Variants in ZMYM2 observed in about 807,000 individuals in gnomAD.
The protein encoded by ZMYM2 is zinc finger MYM-type containing 2.
In ZMYM2, 56 loss-of-function variants were observed where a neutral mutation model predicts 162.8. The observed-to-expected ratio is 0.34, with a 90% CI of 0.28 to 0.43. The LOEUF is 0.43. Ranked by LOEUF, ZMYM2 falls within the 20% of genes least tolerant of loss-of-function variation. The pLI is 1.00. For synonymous variants in ZMYM2, 510 were observed against 541.6 expected, an observed-to-expected ratio of 0.94 and a Z score of 0.81; for missense variants, 1,275 against 1,621.8, an observed-to-expected ratio of 0.79 and a Z score of 3.67.
the ZMYM2 span, among the ~76,000 whole-genome samples, chr13:19,865,569 G>A: frequency 0.01 from 1,543 of 152,288 alleles, 32 homozygotes; most frequent in African/African-American, 0.034. Flanking sequence ...AGTTCGTGGA[G>A]AAGGGCTCCA....
chr13:19,872,804 G>C, the ZMYM2 span, among the ~76,000 whole-genome samples: 1 of 151,974 alleles, frequency 6.6e-6, no homozygotes, highest in Non-Finnish European at 1.5e-5. Flanking sequence ...TTTGAGACCA[G>C]CCTGGGTAAT....
chr13:20,027,913 A>G, intron 9 of ZMYM2: 2 of 169,350 alleles, frequency 1.2e-5, no homozygotes, highest in Middle Eastern at 2.5e-3. Context: ...CTAGGAAGGA[A>G]TAGTTTAGAG....
chr13:19,901,626 G>A, the ZMYM2 span, among the ~76,000 whole-genome samples: 4 of 152,168 alleles, frequency 2.6e-5, no homozygotes, highest in African/African-American at 9.6e-5. Flanking sequence ...GGGGATTACA[G>A]GCGTGGTGCC....
At chr13:19,966,384 T>C (rs1025231917) in intron 2 of ZMYM2, among the ~76,000 whole-genome samples, 7 of 151,682 alleles carry the variant, frequency 4.6e-5, no homozygotes, top group Admixed American at 4.6e-4. Context: ...TCTACCTGCC[T>C]AAGCCTCCCA....
chr13:19,868,998 T>A, the ZMYM2 span, among the ~76,000 whole-genome samples: 1 of 152,142 alleles, frequency 6.6e-6, no homozygotes, highest in African/African-American at 2.4e-5. Context: ...TGATCCACCC[T>A]CCTCAGCCTC....
chr13:20,002,274 A>C (rs1950452002), intron 3 of ZMYM2, among the ~76,000 whole-genome samples: 1 of 152,214 alleles, frequency 6.6e-6, no homozygotes, highest in South Asian at 2.1e-4. Flanking sequence ...ATATTTTATA[A>C]ATACGTGAAT....
chr13:19,884,726 G>C, the ZMYM2 span, among the ~76,000 whole-genome samples: 5 of 152,156 alleles, frequency 3.3e-5, no homozygotes, highest in Admixed American at 2.0e-4. Context: ...CAGAAAAAAA[G>C]ACACAAACTC....
chr13:20,059,976 A>G (rs909609128), intron 16 of ZMYM2, among the ~76,000 whole-genome samples: 1 of 152,104 alleles, frequency 6.6e-6, no homozygotes, highest in African/African-American at 2.4e-5. Context: ...GGAGGCTGCA[A>G]TGAGCCGTGA....
Position 19,992,911 on chromosome 13 carries a change from A to G in ZMYM2, c.-10-152A>G, listed in dbSNP as rs183664974. On this transcript the variant is annotated intron_variant, in intron 2 of 24. Transcript: ENST00000610343. ...GTAAACTATATGAAATGATTAATGA[A>G]TGGATATCACATATTTTCCTGAATG... Among the ~76,000 whole-genome samples, 10 of 152,308 alleles carry G rather than the reference A, an allele frequency of 6.6e-5. No individual in the cohort carries two copies. The East Asian group carries it at 1.7e-3, about 26-fold the overall frequency.
At chr13:19,926,919 C>T in the ZMYM2 span, among the ~76,000 whole-genome samples, 4 of 152,226 alleles carry the variant, frequency 2.6e-5, no homozygotes, top group African/African-American at 9.6e-5. Context: ...TTGCCTGCTT[C>T]AGTCTCCCAA....
intron 17 of ZMYM2, 48 bp from the exon 18 acceptor site, chr13:20,062,798 T>C (rs1219198352): frequency 3.4e-6 from 5 of 1,489,382 alleles, no homozygotes; most frequent in Admixed American, 2.5e-5. Context: ...ACAGATACCA[T>C]TGGGGTTTTC....
the ZMYM2 span, among the ~76,000 whole-genome samples, chr13:19,929,102 T>C: frequency 6.6e-6 from 1 of 152,264 alleles, no homozygotes; most frequent in Admixed American, 6.5e-5. Context: ...TTATTTATAC[T>C]AATGTGCCTT....
rs1433726992 is a variant in ZMYM2 at position 20,036,846 on chromosome 13, T to A, written c.2229T>A (p.Asp743Glu). Residue 743 changes from aspartate to glutamate, a missense_variant, in exon 12 of 25, where the codon GAT becomes GAA. Physicochemically the swap from Asp to Glu is conservative, Grantham distance 45 (BLOSUM62 2). Around this residue, in one of 10 missense-constraint regions of ZMYM2, gnomAD observed 177 missense variants for 228.0 expected, o/e 0.78. Coordinates refer to ENST00000610343, the MANE Select transcript of ZMYM2 (RefSeq NM_197968.4). ...LCKKGATKEL[D>E]GVVRDFCSED... ...AGAAGGGAGCAACTAAAGAACTCGA[T>A]GGTGTTGTGAGAGATTTCTGCAGTG... The A allele has an allele frequency of 1.2e-6, 2 of 1,610,878 alleles. No homozygotes were observed. The highest frequency in any genetic ancestry group is 2.7e-5 in the African/African-American group (2 of 74,904).
chr13:20,052,812 C>T (rs1001814466), intron 14 of ZMYM2, among the ~76,000 whole-genome samples: 7 of 152,144 alleles, frequency 4.6e-5, no homozygotes, highest in Non-Finnish European at 1.0e-4. Flanking sequence ...AGAGCCAAGC[C>T]TGAAGGGGAT....
chr13:20,064,680 A>G (rs557793878), intron 19 of ZMYM2, 135 bp downstream of exon 19: 1 of 378,886 alleles, frequency 2.6e-6, no homozygotes, highest in African/African-American at 2.1e-5. Flanking sequence ...TTCTATTTAT[A>G]TAGAATATAG....
intron 12 of ZMYM2, among the ~76,000 whole-genome samples, chr13:20,040,034 T>TC (rs1366278312): frequency 6.6e-6 from 1 of 152,190 alleles, no homozygotes; most frequent in Non-Finnish European, 1.5e-5. Flanking sequence ...TTAAGGATAT[T>TC]GACTTGAAGT....
intron 5 of ZMYM2, among the ~76,000 whole-genome samples, chr13:20,005,871 A>T (rs1950701459): frequency 6.6e-6 from 1 of 152,070 alleles, no homozygotes; most frequent in Non-Finnish European, 1.5e-5. Context: ...GATGTCACTG[A>T]TGGGTTTTTT....
At chr13:19,947,608 G>C in the ZMYM2 span, among the ~76,000 whole-genome samples, 1 of 152,058 alleles carries the variant, frequency 6.6e-6, no homozygotes, top group Non-Finnish European at 1.5e-5. Context: ...ACAGGCACAC[G>C]CCACCACGCC....
At chr13:20,038,004 TC>T (rs1426897842) in intron 12 of ZMYM2, among the ~76,000 whole-genome samples, 1 of 152,196 alleles carries the variant, frequency 6.6e-6, no homozygotes, top group Non-Finnish European at 1.5e-5. Flanking sequence ...GTGTTTGTGT[TC>T]TCATCATTTA....
Sources: gnomAD v4.1 joint callset for allele counts (sites outside exome capture counted in the v4.1 genomes callset) on GRCh38, gnomAD v4.1.1 for gene constraint, gnomAD v4.1.1 regional missense constraint, MANE v1.5 for transcripts, NCBI Gene and HGNC (gene_info 2026-07-23, HGNC 2026-07-21) for gene names.